The following DENND1B variants were observed in gnomAD, a reference collection of about 807,000 sequenced individuals.
DENND1B encodes the protein DENN domain containing 1B, also known as DENN domain-containing protein 1B.
Under a neutral mutation model 90.1 loss-of-function variants are expected in DENND1B, and 59 were observed. The ratio of observed to expected loss-of-function variants is 0.65; its 90% CI spans 0.53 to 0.81. The LOEUF (loss-of-function observed/expected upper bound fraction) is 0.81, where lower values mean the gene tolerates loss of function less well. DENND1B is among the 40% of genes least tolerant of loss of function. The pLI is 0.00. For synonymous variants in DENND1B, 337 were observed against 324.6 expected (o/e 1.04, Z -0.41); for missense variants, 862 against 912.6 (o/e 0.94, Z 0.71).
At position 197,506,164 on chromosome 1, in the gene DENND1B, T is replaced by A. The variant is rs1667721520; in HGVS notation, c.*4296A>T. ...CTGCCAGAAAAACAGATGTACATATTTATATGAACTAAGTTATGCAAGAAA... is the reference window on the plus strand; with the variant it reads ...CTGCCAGAAAAACAGATGTACATATATATATGAACTAAGTTATGCAAGAAA... On this transcript the variant is annotated 3_prime_UTR_variant, in exon 23 of 23. Coordinates refer to ENST00000620048, the MANE Select transcript of DENND1B (RefSeq NM_001195215.2). 1 of 151,650 alleles carries A rather than the reference T, an allele frequency of 6.6e-6. No individual in the cohort carries two copies. The highest frequency in any genetic ancestry group is 2.4e-5 in the African/African-American group (1 of 41,398). 9.4% of individuals were successfully genotyped at this position (151,650 alleles called of 1,614,324 possible).
intron 2 of DENND1B, among the ~76,000 whole-genome samples, chr1:197,716,964 T>C (rs1169621318): frequency 1.3e-5 from 2 of 151,936 alleles, no homozygotes; most frequent in Non-Finnish European, 2.9e-5. Context: ...GTATACTCTG[T>C]TTTTTCGGAG....
At chr1:197,657,230 C>T (rs1415735455) in intron 6 of DENND1B, among the ~76,000 whole-genome samples, 8 of 152,058 alleles carry the variant, frequency 5.3e-5, no homozygotes, top group Non-Finnish European at 1.2e-4. Flanking sequence ...CAACAAAAAA[C>T]GCAACATGAT....
At chr1:197,752,473 G>A (rs1241593587) in intron 2 of DENND1B, among the ~76,000 whole-genome samples, 1 of 151,894 alleles carries the variant, frequency 6.6e-6, no homozygotes, top group Non-Finnish European at 1.5e-5. Flanking sequence ...TAAAACAACA[G>A]TATCAGTATA....
intron 7 of DENND1B, among the ~76,000 whole-genome samples, chr1:197,652,014 A>G (rs1410491836): frequency 1.3e-5 from 2 of 152,130 alleles, no homozygotes; most frequent in Admixed American, 6.6e-5. Context: ...TTTAGTTTAC[A>G]ATAAAATTTT....
intron 16 of DENND1B, chr1:197,552,767 T>A: frequency 8.0e-7 from 1 of 1,247,844 alleles, no homozygotes. Context: ...GTATTACTAA[T>A]TTCCAGCAAT....
At chr1:197,733,653 C>T (rs541554813) in intron 2 of DENND1B, among the ~76,000 whole-genome samples, 26 of 152,286 alleles carry the variant, frequency 1.7e-4, no homozygotes, top group Admixed American at 1.6e-3. Flanking sequence ...TGAGGCCCCA[C>T]GAAAGCCTGG....
intron 2 of DENND1B, among the ~76,000 whole-genome samples, chr1:197,744,639 G>A (rs546021146): frequency 4.8e-4 from 73 of 152,278 alleles, no homozygotes; most frequent in African/African-American, 1.5e-3. Flanking sequence ...TAATTTGTAA[G>A]GGCCCTGGGA....
chr1:197,657,597 C>T (rs971106097), intron 6 of DENND1B, among the ~76,000 whole-genome samples: 1 of 152,022 alleles, frequency 6.6e-6, no homozygotes, highest in Admixed American at 6.6e-5. Flanking sequence ...CGAGTATTGG[C>T]AAGATTGTGA....
intron 2 of DENND1B, among the ~76,000 whole-genome samples, chr1:197,740,532 T>C (rs529791999): frequency 6.6e-6 from 1 of 152,198 alleles, no homozygotes; most frequent in Non-Finnish European, 1.5e-5. Context: ...GTATCGAATA[T>C]GCTACACAAT....
intron 2 of DENND1B, chr1:197,734,530 A>G: frequency 1.0e-6 from 1 of 974,474 alleles, no homozygotes; most frequent in Non-Finnish European, 1.2e-6. Context: ...GGAATACACA[A>G]AAATAGATGT....
At chr1:197,670,212 T>C (rs1655349886) in intron 5 of DENND1B, among the ~76,000 whole-genome samples, 3 of 152,168 alleles carry the variant, frequency 2.0e-5, no homozygotes, top group African/African-American at 4.8e-5. Flanking sequence ...AGCACATTTA[T>C]AGAAACTATT....
chr1:197,760,224 A>T (rs1654860699), intron 2 of DENND1B, among the ~76,000 whole-genome samples: 1 of 152,228 alleles, frequency 6.6e-6, no homozygotes, highest in Non-Finnish European at 1.5e-5. Flanking sequence ...ATATCATAAG[A>T]AAGTAGCAGT....
intron 10 of DENND1B, among the ~76,000 whole-genome samples, chr1:197,632,021 T>C (rs1243970034): frequency 6.6e-6 from 1 of 152,128 alleles, no homozygotes; most frequent in African/African-American, 2.4e-5. Flanking sequence ...GACTCTTGCC[T>C]GGAAATGTTT....
intron 2 of DENND1B, chr1:197,757,371 G>C (rs1034462874): frequency 6.6e-6 from 1 of 152,104 alleles, no homozygotes; most frequent in East Asian, 1.9e-4. Context: ...AAACCATAAA[G>C]AGAACATCCC....
intron 2 of DENND1B, among the ~76,000 whole-genome samples, chr1:197,741,805 C>A (rs1302838733): frequency 6.6e-6 from 1 of 152,036 alleles, no homozygotes; most frequent in Non-Finnish European, 1.5e-5. Flanking sequence ...AACGTGGCAA[C>A]CCACACCTAT....
At chr1:197,554,134 CACACACACACACACGT>C (rs1671495367) in intron 15 of DENND1B, among the ~76,000 whole-genome samples, 1 of 151,416 alleles carries the variant, frequency 6.6e-6, no homozygotes, top group Non-Finnish European at 1.5e-5. Context: ...CACACACACA[CACACACACACACACGT>C]ATTACTAGCA....
intron 10 of DENND1B, among the ~76,000 whole-genome samples, chr1:197,625,064 G>A (rs567279782): frequency 1.3e-5 from 2 of 152,084 alleles, no homozygotes; most frequent in South Asian, 2.1e-4. Context: ...AAGTGACAGG[G>A]AGAATGGAAC....
intron 3 of DENND1B, among the ~76,000 whole-genome samples, chr1:197,687,742 T>C (rs922672493): frequency 3.9e-5 from 6 of 152,206 alleles, no homozygotes; most frequent in African/African-American, 1.4e-4. Context: ...AGTCTTTCCT[T>C]AAGATCAGAA....
At chr1:197,606,721 T>G (rs1351764808) in intron 13 of DENND1B, 2 of 166,780 alleles carry the variant, frequency 1.2e-5, no homozygotes, top group East Asian at 1.7e-4. Context: ...CTTCAAAAAC[T>G]CTCTCATTCT....
Sources: gnomAD v4.1 joint callset for allele counts (sites outside exome capture counted in the v4.1 genomes callset) on GRCh38, gnomAD v4.1.1 for gene constraint, MANE v1.5 for transcripts, NCBI Gene and HGNC (gene_info 2026-07-23, HGNC 2026-07-21) for gene names.